GPC5: variants seen among roughly 807,000 people sequenced by gnomAD.
The protein encoded by GPC5 is glypican 5.
Under a neutral mutation model 53.9 loss-of-function variants are expected in GPC5, and 47 were observed. The ratio of observed to expected loss-of-function variants is 0.87; its 90% CI spans 0.69 to 1.11. The LOEUF (loss-of-function observed/expected upper bound fraction) is 1.11, where lower values mean the gene tolerates loss of function less well. Among genes scored for constraint, GPC5 ranks in the 50% most tolerant of loss-of-function variants. The probability of loss-of-function intolerance (pLI) is 0.00; values close to 1 mark genes in which losing one functional copy is unlikely to be tolerated. For synonymous variants in GPC5, 286 were observed against 263.3 expected, an observed-to-expected ratio of 1.09 and a Z score of -0.84; for missense variants, 748 against 713.1, an observed-to-expected ratio of 1.05 and a Z score of -0.56.
chr13:92,457,086 G>A (rs184052252), intron 7 of GPC5, among the ~76,000 whole-genome samples: 7 of 152,032 alleles, frequency 4.6e-5, no homozygotes, highest in South Asian at 2.1e-4. Flanking sequence ...CCACTTACAC[G>A]TGAGAACATG....
intron 7 of GPC5, among the ~76,000 whole-genome samples, chr13:92,464,721 T>A (rs1180902588): frequency 6.6e-6 from 1 of 151,972 alleles, no homozygotes; most frequent in African/African-American, 2.4e-5. Flanking sequence ...AATAGAAACT[T>A]TCAAAAATTA....
chr13:92,838,431 C>T (rs1231738965), intron 7 of GPC5, among the ~76,000 whole-genome samples: 2 of 150,324 alleles, frequency 1.3e-5, no homozygotes, highest in East Asian at 4.0e-4. Context: ...TGCAGTGAGT[C>T]GAGATCACGC....
At chr13:92,794,153 G>A (rs764040867) in intron 7 of GPC5, among the ~76,000 whole-genome samples, 42 of 152,054 alleles carry the variant, frequency 2.8e-4, no homozygotes, top group Admixed American at 5.9e-4. Context: ...CTGACAAACT[G>A]TATCCAACAG....
chr13:91,849,029 C>T (rs776375614), intron 5 of GPC5, among the ~76,000 whole-genome samples: 5 of 152,104 alleles, frequency 3.3e-5, no homozygotes, highest in African/African-American at 1.2e-4. Flanking sequence ...CGACAACTGC[C>T]GTGGAAAAAT....
At chr13:92,188,780 T>G (rs2042201979) in intron 7 of GPC5, among the ~76,000 whole-genome samples, 1 of 152,224 alleles carries the variant, frequency 6.6e-6, no homozygotes, top group South Asian at 2.1e-4. Flanking sequence ...AGTTGACATA[T>G]TTGGTGGCCT....
chr13:92,457,929 C>T (rs1166497474), intron 7 of GPC5, among the ~76,000 whole-genome samples: 1 of 152,150 alleles, frequency 6.6e-6, no homozygotes, highest in Non-Finnish European at 1.5e-5. Flanking sequence ...ATTGCTTCCT[C>T]TCTGTCCTGC....
At chr13:92,116,517 CTGTACGCATTTG>C (rs1412891515) in intron 6 of GPC5, among the ~76,000 whole-genome samples, 3 of 152,224 alleles carry the variant, frequency 2.0e-5, no homozygotes, top group Non-Finnish European at 4.4e-5. Context: ...ATAAAAGCTG[CTGTACGCATTTG>C]TGTACAAGTT....
chr13:91,520,503 G>A (rs1227757579), intron 2 of GPC5, among the ~76,000 whole-genome samples: 2 of 152,154 alleles, frequency 1.3e-5, no homozygotes, highest in East Asian at 1.9e-4. Flanking sequence ...CAAGGAAGAA[G>A]AAATTCTGTC....
chr13:91,618,671 C>G (rs2033768262), intron 2 of GPC5, among the ~76,000 whole-genome samples: 1 of 151,444 alleles, frequency 6.6e-6, no homozygotes, highest in African/African-American at 2.4e-5. Flanking sequence ...TTTTTATCAG[C>G]TCACAGTATT....
chr13:91,823,031 G>C (rs1388705690), intron 5 of GPC5, among the ~76,000 whole-genome samples: 1 of 152,010 alleles, frequency 6.6e-6, no homozygotes, highest in Non-Finnish European at 1.5e-5. Context: ...TTTGGGTTCT[G>C]ACATCTACTA....
At chr13:92,472,539 A>G (rs1207199838) in intron 7 of GPC5, among the ~76,000 whole-genome samples, 2 of 152,166 alleles carry the variant, frequency 1.3e-5, no homozygotes, top group Non-Finnish European at 2.9e-5. Flanking sequence ...TTGCCCAAAT[A>G]GAACAGCTTG....
intron 2 of GPC5, among the ~76,000 whole-genome samples, chr13:91,619,202 A>G (rs2033783926): frequency 6.6e-6 from 1 of 152,060 alleles, no homozygotes; most frequent in South Asian, 2.1e-4. Flanking sequence ...GCTGTTAAAC[A>G]TTTCAAAAAA....
At chr13:92,019,467 C>G (rs905778152) in intron 6 of GPC5, among the ~76,000 whole-genome samples, 1 of 151,990 alleles carries the variant, frequency 6.6e-6, no homozygotes, top group Non-Finnish European at 1.5e-5. Flanking sequence ...TTTTTTGCTA[C>G]ATCTTACATG....
intron 4 of GPC5, among the ~76,000 whole-genome samples, chr13:91,737,641 C>T (rs533867004): frequency 1.5e-4 from 23 of 151,516 alleles, no homozygotes; most frequent in Admixed American, 1.4e-3. Context: ...ATTATATTGT[C>T]ATAGTTTATA....
At chr13:92,198,467 TTGATGAC>T (rs1170023662) in intron 7 of GPC5, among the ~76,000 whole-genome samples, 1 of 152,134 alleles carries the variant, frequency 6.6e-6, no homozygotes, top group Non-Finnish European at 1.5e-5. Flanking sequence ...AAAGTCCAAA[TTGATGAC>T]TTATAGTTCA....
chr13:91,981,571 G>A (rs2040359843), intron 6 of GPC5, among the ~76,000 whole-genome samples: 1 of 152,176 alleles, frequency 6.6e-6, no homozygotes, highest in African/African-American at 2.4e-5. Context: ...TTACAGGCGT[G>A]AGCCACCGCG....
intron 2 of GPC5, among the ~76,000 whole-genome samples, chr13:91,600,348 AGT>A (rs1188484947): frequency 0.013 from 1,212 of 95,130 alleles, 9 homozygotes; most frequent in African/African-American, 0.035. Flanking sequence ...AGAGAGAGAG[AGT>A]GTGTGTGTGT....
chr13:91,978,922 A>C (rs2040332724), intron 6 of GPC5, among the ~76,000 whole-genome samples: 1 of 152,170 alleles, frequency 6.6e-6, no homozygotes, highest in Non-Finnish European at 1.5e-5. Context: ...ATTTTGAGAA[A>C]GTATTGACAG....
At chr13:91,945,504 T>A (rs1314495039) in intron 6 of GPC5, among the ~76,000 whole-genome samples, 5 of 152,232 alleles carry the variant, frequency 3.3e-5, no homozygotes, top group Non-Finnish European at 7.3e-5. Flanking sequence ...AGAGAGTTGA[T>A]ATATTCCTTT....
Sources: gnomAD v4.1 joint callset for allele counts (sites outside exome capture counted in the v4.1 genomes callset) on GRCh38, gnomAD v4.1.1 for gene constraint, MANE v1.5 for transcripts, NCBI Gene and HGNC (gene_info 2026-07-23, HGNC 2026-07-21) for gene names.